The following CNTN5 variants were observed in gnomAD, a reference collection of about 807,000 sequenced individuals.
CNTN5 encodes contactin 5.
A neutral mutation model predicts 129.1 loss-of-function variants in CNTN5; 77 were observed. That is an observed-to-expected ratio of 0.60 (90% CI 0.50 to 0.72). The LOEUF is 0.72. CNTN5 is among the 30% of genes least tolerant of loss of function. The pLI is 0.00. For missense variants in CNTN5, 1,478 were observed against 1,328.8 expected, an observed-to-expected ratio of 1.11 and a Z score of -1.75; for synonymous variants, 509 against 465.6, an observed-to-expected ratio of 1.09 and a Z score of -1.20.
At chr11:99,457,217 T>G (rs922864258) in intron 2 of CNTN5, among the ~76,000 whole-genome samples, 1 of 152,010 alleles carries the variant, frequency 6.6e-6, no homozygotes, top group African/African-American at 2.4e-5. Context: ...ATCTACAATC[T>G]ATTTACAGTT....
chr11:100,041,891 A>G lies in CNTN5; in HGVS notation c.981-19321A>G, dbSNP rs569620349. On this transcript the variant is annotated intron_variant, in intron 9 of 24. Coordinates refer to ENST00000524871, the MANE Select transcript of CNTN5 (RefSeq NM_014361.4). ...ACCACATGAAGTCCTAAGCAGAACT[A>G]ATACCAGGGGAAGGCCCTGAGTTAA... Among the ~76,000 whole-genome samples, 11 of 152,362 alleles carry G rather than the reference A, an allele frequency of 7.2e-5. No individual in the cohort carries two copies. The South Asian group carries it at 1.0e-3, about 14-fold the overall frequency.
At chr11:99,552,196 G>A (rs1448448803) in intron 2 of CNTN5, among the ~76,000 whole-genome samples, 1 of 149,216 alleles carries the variant, frequency 6.7e-6, no homozygotes, top group Admixed American at 6.7e-5. Flanking sequence ...CATGAGCTAC[G>A]CACCTGGTCA....
intron 2 of CNTN5, among the ~76,000 whole-genome samples, chr11:99,377,206 A>G (rs934990706): frequency 1.8e-4 from 28 of 152,130 alleles, no homozygotes; most frequent in Non-Finnish European, 3.2e-4. Flanking sequence ...AAAAAGAAAA[A>G]AAAGCAGTAG....
intron 15 of CNTN5, among the ~76,000 whole-genome samples, chr11:100,196,035 G>C (rs760291753): frequency 4.6e-5 from 7 of 151,932 alleles, no homozygotes; most frequent in Admixed American, 6.6e-5. Context: ...GCTGAGAAGA[G>C]AGCCAAGTGG....
intron 2 of CNTN5, among the ~76,000 whole-genome samples, chr11:99,503,179 A>G (rs1218217036): frequency 6.6e-6 from 1 of 152,206 alleles, no homozygotes; most frequent in East Asian, 1.9e-4. Flanking sequence ...ATGTAACTCT[A>G]CATCTTTCTT....
chr11:99,845,566 G>T (rs1947664465), intron 6 of CNTN5, among the ~76,000 whole-genome samples: 1 of 151,636 alleles, frequency 6.6e-6, no homozygotes, highest in African/African-American at 2.4e-5. Flanking sequence ...TAGAGACGGG[G>T]TTTCACCGTT....
intron 15 of CNTN5, among the ~76,000 whole-genome samples, chr11:100,223,919 C>G (rs796746166): frequency 2.6e-5 from 4 of 152,076 alleles, no homozygotes; most frequent in African/African-American, 9.7e-5. Flanking sequence ...AAGGTTTGTA[C>G]CAGCCATTTT....
At chr11:99,610,676 G>A (rs529123803) in intron 3 of CNTN5, among the ~76,000 whole-genome samples, 7 of 152,218 alleles carry the variant, frequency 4.6e-5, no homozygotes, top group South Asian at 2.1e-4. Flanking sequence ...ATATTAAACC[G>A]AGCAGGGATT....
chr11:99,030,514 T>C (rs995489328), intron 1 of CNTN5, among the ~76,000 whole-genome samples: 2 of 152,124 alleles, frequency 1.3e-5, no homozygotes, highest in African/African-American at 4.8e-5. Flanking sequence ...AATTTTGTTT[T>C]GTTGGGCTAG....
chr11:99,897,335 G>C (rs1949233369), intron 6 of CNTN5, among the ~76,000 whole-genome samples: 2 of 152,144 alleles, frequency 1.3e-5, no homozygotes, highest in South Asian at 4.2e-4. Flanking sequence ...ACATTACTGA[G>C]GCATTTGGTT....
intron 3 of CNTN5, among the ~76,000 whole-genome samples, chr11:99,606,544 T>C (rs1314648842): frequency 2.1e-5 from 3 of 142,330 alleles, no homozygotes; most frequent in African/African-American, 7.8e-5. Context: ...ACAGATTCAA[T>C]GCCATCCCCA....
intron 2 of CNTN5, among the ~76,000 whole-genome samples, chr11:99,409,186 C>G (rs1942272199): frequency 6.6e-6 from 1 of 152,174 alleles, no homozygotes; most frequent in African/African-American, 2.4e-5. Flanking sequence ...CACTGCCGGC[C>G]AGGCACGATG....
At chr11:99,666,803 A>G (rs1247792239) in intron 3 of CNTN5, among the ~76,000 whole-genome samples, 1 of 152,182 alleles carries the variant, frequency 6.6e-6, no homozygotes, top group Non-Finnish European at 1.5e-5. Flanking sequence ...AGCTCCAGTC[A>G]GAAGGGAGAG....
intron 1 of CNTN5, among the ~76,000 whole-genome samples, chr11:99,283,473 A>G (rs1001367742): frequency 2.6e-5 from 4 of 152,116 alleles, no homozygotes; most frequent in Admixed American, 2.6e-4. Flanking sequence ...GAGTTGTAGG[A>G]AAAAGATCTG....
At chr11:99,395,818 G>T (rs1423970187) in intron 2 of CNTN5, among the ~76,000 whole-genome samples, 1 of 151,886 alleles carries the variant, frequency 6.6e-6, no homozygotes, top group East Asian at 1.9e-4. Flanking sequence ...CCCATTGCTT[G>T]TTTTTGTCAG....
At chr11:99,181,365 G>T (rs571844998) in intron 1 of CNTN5, among the ~76,000 whole-genome samples, 128 of 152,262 alleles carry the variant, frequency 8.4e-4, no homozygotes, top group African/African-American at 3.0e-3. Flanking sequence ...ATTTGGGTTT[G>T]GGCAAAATAG....
intron 13 of CNTN5, among the ~76,000 whole-genome samples, chr11:100,138,590 A>G (rs909959758): frequency 2.0e-5 from 3 of 152,080 alleles, no homozygotes; most frequent in Non-Finnish European, 4.4e-5. Context: ...ACAGATTACT[A>G]TGGCTGATGA....
chr11:99,747,767 C>T (rs530090235), intron 3 of CNTN5, among the ~76,000 whole-genome samples: 16 of 152,142 alleles, frequency 1.1e-4, no homozygotes, highest in South Asian at 2.1e-4. Flanking sequence ...CCACGGCACC[C>T]GGCCGGCCAG....
At chr11:99,578,002 T>C (rs2851606) in intron 3 of CNTN5, among the ~76,000 whole-genome samples, 132,149 of 135,584 alleles carry the variant, frequency 0.97, 64,488 homozygotes, top group East Asian at 1. Context: ...CAACAGTCCC[T>C]GGTGTGTGAT....
Sources: allele counts gnomAD v4.1 joint callset (sites outside exome capture counted in the v4.1 genomes callset), GRCh38; gene constraint gnomAD v4.1.1; transcripts MANE v1.5; gene names NCBI Gene and HGNC (gene_info 2026-07-23, HGNC 2026-07-21).